TMEM132C: variants seen among roughly 807,000 people sequenced by gnomAD.
TMEM132C encodes the protein protein phosphatase 1, regulatory subunit 152.
TMEM132C carries 29 observed loss-of-function variants against 61.4 expected under a neutral mutation model. That is an observed-to-expected ratio of 0.47 (90% CI 0.35 to 0.64). The LOEUF is 0.64. Among genes scored for constraint, TMEM132C ranks in the 30% least tolerant of loss-of-function variants. The probability of loss-of-function intolerance (pLI) is 0.00; values close to 1 mark genes in which losing one functional copy is unlikely to be tolerated. For missense variants in TMEM132C, 1,408 were observed against 1,476.9 expected (o/e 0.95, Z 0.76); for synonymous variants, 656 against 633.1 (o/e 1.04, Z -0.54).
intron 2 of TMEM132C, among the ~76,000 whole-genome samples, chr12:128,436,334 A>G (rs993915309): frequency 2.7e-4 from 41 of 152,240 alleles, no homozygotes; most frequent in African/African-American, 8.4e-4. Flanking sequence ...CTGCACAGCA[A>G]AAGAAACTAC....
At chr12:128,552,113 C>T (rs1344989093) in intron 3 of TMEM132C, among the ~76,000 whole-genome samples, 1 of 152,214 alleles carries the variant, frequency 6.6e-6, no homozygotes, top group African/African-American at 2.4e-5. Context: ...ACCTGCCTGC[C>T]GCTCCACTTC....
intron 4 of TMEM132C, among the ~76,000 whole-genome samples, chr12:128,620,402 G>A (rs1953952952): frequency 6.6e-6 from 1 of 152,158 alleles, no homozygotes; most frequent in African/African-American, 2.4e-5. Context: ...CAAACAGGTA[G>A]ATACTTCCTA....
chr12:128,585,789 C>T (rs1255515838), intron 3 of TMEM132C, among the ~76,000 whole-genome samples: 1 of 152,178 alleles, frequency 6.6e-6, no homozygotes, highest in Non-Finnish European at 1.5e-5. Flanking sequence ...CGGCCCGTCG[C>T]TGAAGGATGA....
At chr12:128,369,846 T>G (rs555567921) in intron 1 of TMEM132C, among the ~76,000 whole-genome samples, 1 of 152,236 alleles carries the variant, frequency 6.6e-6, no homozygotes, top group Non-Finnish European at 1.5e-5. Context: ...TTTTGGTTCC[T>G]CATTTGTTCC....
chr12:128,486,005 G>A (rs963469569), intron 2 of TMEM132C, among the ~76,000 whole-genome samples: 4 of 152,162 alleles, frequency 2.6e-5, no homozygotes, highest in East Asian at 1.9e-4. Context: ...CTGGATAGTC[G>A]GAGATTTCCA....
intron 1 of TMEM132C, among the ~76,000 whole-genome samples, chr12:128,283,990 C>T (rs1055612169): frequency 7.2e-5 from 11 of 152,152 alleles, no homozygotes; most frequent in Admixed American, 2.0e-4. Flanking sequence ...ACATGAACTC[C>T]ATTATATTAT....
In TMEM132C at chr12:128,526,622, T is replaced by C. The variant is rs1045231862; in HGVS notation, c.975-17335T>C. The stretch of plus-strand genomic sequence containing the variant: ...ACATCAACAAAAAGTATTAACTGTA[T>C]ATGTCAGAGAGTGATAAAGGCTATG... On this transcript the variant is annotated intron_variant, in intron 2 of 8. Transcript: ENST00000435159. Among the ~76,000 whole-genome samples the C allele has an allele frequency of 7.2e-5, 11 of 152,162 alleles. No individual in the cohort carries two copies. In the South Asian group the frequency reaches 8.3e-4, roughly 11 times the overall value.
At chr12:128,379,602 C>G (rs1489077507) in intron 1 of TMEM132C, among the ~76,000 whole-genome samples, 4 of 152,226 alleles carry the variant, frequency 2.6e-5, no homozygotes, top group African/African-American at 9.6e-5. Context: ...TTGCTCCAGT[C>G]TCTGCCTCCA....
intron 2 of TMEM132C, among the ~76,000 whole-genome samples, chr12:128,416,664 T>A (rs988168132): frequency 3.9e-5 from 6 of 152,202 alleles, no homozygotes; most frequent in Admixed American, 3.9e-4. Flanking sequence ...ATTTTTAAAG[T>A]TTTTTGTTTT....
intron 3 of TMEM132C, among the ~76,000 whole-genome samples, chr12:128,576,766 A>G (rs1286617195): frequency 1.3e-5 from 2 of 152,306 alleles, no homozygotes; most frequent in African/African-American, 4.8e-5. Flanking sequence ...TCCCAGGCCC[A>G]TGCTTTGGTT....
intron 2 of TMEM132C, among the ~76,000 whole-genome samples, chr12:128,494,425 C>G (rs1871864763): frequency 6.6e-6 from 1 of 152,172 alleles, no homozygotes; most frequent in South Asian, 2.1e-4. Context: ...AGGAATGGTA[C>G]CAGTTCCTCC....
chr12:128,374,901 A>C (rs1874140678), intron 1 of TMEM132C, among the ~76,000 whole-genome samples: 1 of 128,718 alleles, frequency 7.8e-6, no homozygotes, highest in African/African-American at 2.9e-5. Flanking sequence ...AGCCTGGGCG[A>C]CAAACTCCGT....
chr12:128,683,411 C>T (rs1187933109), intron 5 of TMEM132C, among the ~76,000 whole-genome samples: 1 of 152,198 alleles, frequency 6.6e-6, no homozygotes, highest in Non-Finnish European at 1.5e-5. Flanking sequence ...TGCCCACCTT[C>T]TTTCTCTTTC....
chr12:128,307,135 C>A (rs1031996767), intron 1 of TMEM132C, among the ~76,000 whole-genome samples: 1 of 151,970 alleles, frequency 6.6e-6, no homozygotes, highest in African/African-American at 2.4e-5. Flanking sequence ...GTTCACACAC[C>A]CACCCTTGGT....
At chr12:128,512,905 G>T (rs535006939) in intron 2 of TMEM132C, among the ~76,000 whole-genome samples, 1 of 152,156 alleles carries the variant, frequency 6.6e-6, no homozygotes, top group Non-Finnish European at 1.5e-5. Flanking sequence ...GACTTTCCAC[G>T]CTCTCAATCT....
intron 1 of TMEM132C, among the ~76,000 whole-genome samples, chr12:128,405,939 A>G (rs1875329703): frequency 6.6e-6 from 1 of 152,210 alleles, no homozygotes; most frequent in Admixed American, 6.5e-5. Context: ...GTGCTAGTGC[A>G]TTATTTTACT....
intron 2 of TMEM132C, among the ~76,000 whole-genome samples, chr12:128,531,307 C>T (rs1019878240): frequency 1.7e-4 from 26 of 152,012 alleles, no homozygotes; most frequent in Admixed American, 1.7e-3. Context: ...TGGTAAAAGG[C>T]AGCAAAAGGT....
rs573396698 is a variant in TMEM132C, at chr12:128,312,046, G to A, written c.85+44559G>A. 7.9e-5 allele frequency among the ~76,000 whole-genome samples: 12 copies of A among 152,286 alleles called. No individual in the cohort carries two copies. The East Asian group carries it at 1.4e-3, about 17-fold the overall frequency. On this transcript the variant is annotated intron_variant, in intron 1 of 8. Transcript: ENST00000435159. ...GCTGACTCGGTTTGCAAAGTCGGGC[G>A]GTGGAGACTCTTCAGGGCAGCCGGC...
At chr12:128,608,447 A>G (rs1876502087) in intron 3 of TMEM132C, among the ~76,000 whole-genome samples, 1 of 152,230 alleles carries the variant, frequency 6.6e-6, no homozygotes. Flanking sequence ...ACCACGGTTC[A>G]GAACTAGTGA....
Sources: allele counts gnomAD v4.1 joint callset (sites outside exome capture counted in the v4.1 genomes callset), GRCh38; gene constraint gnomAD v4.1.1; transcripts MANE v1.5; gene names NCBI Gene and HGNC (gene_info 2026-07-23, HGNC 2026-07-21).